RFPL3: variants seen among roughly 807,000 people sequenced by gnomAD.
RFPL3 encodes ret finger protein like 3.
Under a neutral mutation model 8.7 loss-of-function variants are expected in RFPL3, and 8 were observed. That is an observed-to-expected ratio of 0.92 (90% CI 0.54 to 1.66). The LOEUF (loss-of-function observed/expected upper bound fraction) is 1.66. Ranked by LOEUF, RFPL3 falls within the 40% of genes most tolerant of loss-of-function variation. The probability of loss-of-function intolerance (pLI) is 0.00; values close to 1 mark genes in which losing one functional copy is unlikely to be tolerated. For missense variants in RFPL3, 341 were observed against 395.0 expected (o/e 0.86, Z 1.16); for synonymous variants, 145 against 150.5 (o/e 0.96, Z 0.27).
upstream of RFPL3, chr22:32,357,757 G>A (rs1039497456): frequency 2.4e-6 from 2 of 836,162 alleles, no homozygotes; most frequent in South Asian, 2.8e-5. Context: ...ATGAGCCATC[G>A]TGCCCAGCCT....
At chr22:32,355,048 G>A (rs72620408), upstream of RFPL3, among the ~76,000 whole-genome samples, 10,424 of 151,710 alleles carry the variant, frequency 0.069, 782 homozygotes, top group East Asian at 0.45. Flanking sequence ...GCTGACGCAG[G>A]AGAGCTTGGA....
rs755326793 is a variant in RFPL3 at position 32,360,837 on chromosome 22, C to A, written c.*5C>A. The A allele has an allele frequency of 1.1e-5, 17 of 1,500,450 alleles. No homozygotes were observed. In the South Asian group the frequency reaches 2.3e-4, roughly 20 times the overall value. 92.9% of individuals were successfully genotyped at this position (1,500,450 alleles called of 1,614,324 possible). A position where few individuals can be genotyped will look rare whatever the true frequency, so the allele number is the denominator to read the frequency against. On this transcript the variant is annotated 3_prime_UTR_variant, in exon 2 of 2. Transcript: ENST00000249007. ...CGTCCTGGGGAGGCCAAATAAGCCG[C>A]CACTGCAAAAAAAAACAGGGTCAGA...
In RFPL3 at chr22:32,360,649, C is replaced by T; in HGVS notation, c.771C>T (p.Ser257=). ...IFLDMGMQNV[S]FFDAESGSHV... ...TGGATATGGGCATGCAGAACGTTTC[C>T]TTTTTTGATGCTGAAAGTGGTTCCC... Residue 257 remains serine, a synonymous_variant, in exon 2 of 2, where the codon TCC becomes TCT. Coordinates refer to ENST00000249007, the MANE Select transcript of RFPL3 (RefSeq NM_001098535.1). 6.2e-7 allele frequency: 1 copy of T among 1,613,304 alleles called. No homozygotes were observed. Among genetic ancestry groups the T allele is most frequent in the Non-Finnish European group, 8.5e-7 (1 of 1,179,552 alleles).
intron 1 of RFPL3, among the ~76,000 whole-genome samples, chr22:32,359,402 G>A (rs887547903): frequency 6.6e-6 from 1 of 151,078 alleles, no homozygotes; most frequent in Non-Finnish European, 1.5e-5. Context: ...TGACTTGAAG[G>A]ATAATATATT....
intron 1 of RFPL3, among the ~76,000 whole-genome samples, chr22:32,359,099 A>C (rs1224119328): frequency 6.6e-6 from 1 of 152,208 alleles, no homozygotes; most frequent in Non-Finnish European, 1.5e-5. Flanking sequence ...CAGCCTGGGC[A>C]AAGAATTACA....
Position 32,357,969 on chromosome 22 carries a change from A to C in RFPL3, c.-103A>C. ...TGATGATTCGTGACTTTCCCAATAG[A>C]ACTTCAAATCTCTGAGGACGGGGGG... On this transcript the variant is annotated 5_prime_UTR_variant, in exon 1 of 2. Coordinates refer to ENST00000249007, the MANE Select transcript of RFPL3 (RefSeq NM_001098535.1). 2 of 1,545,274 alleles carry C rather than the reference A, an allele frequency of 1.3e-6. No homozygotes were observed. Among genetic ancestry groups the C allele is most frequent in the Non-Finnish European group, 1.7e-6 (2 of 1,146,914 alleles).
intron 1 of RFPL3, among the ~76,000 whole-genome samples, chr22:32,359,568 A>T (rs1184930772): frequency 6.6e-6 from 1 of 152,134 alleles, no homozygotes; most frequent in Non-Finnish European, 1.5e-5. Flanking sequence ...TATTCTCTAC[A>T]ATCAGTCAGT....
At chr22:32,355,636 C>G (rs1046450386), upstream of RFPL3, among the ~76,000 whole-genome samples, 1 of 151,900 alleles carries the variant, frequency 6.6e-6, no homozygotes, top group Admixed American at 6.5e-5. Context: ...ATATTGAGGC[C>G]TTGGTTAAGA....
upstream of RFPL3, among the ~76,000 whole-genome samples, chr22:32,355,181 A>T (rs918062743): frequency 6.6e-6 from 1 of 151,954 alleles, no homozygotes; most frequent in African/African-American, 2.4e-5. Flanking sequence ...GGACTTTGTT[A>T]TCATGTTCTG....
At chr22:32,356,762 G>A (rs1011984256), upstream of RFPL3, 73 of 383,632 alleles carry the variant, frequency 1.9e-4, no homozygotes, top group African/African-American at 1.1e-4. Flanking sequence ...ACCTCCACTG[G>A]TCGGGTGTCA....
At position 32,358,415 on chromosome 22, in the gene RFPL3, A is replaced by G. The variant is rs1250865673; in HGVS notation, c.344A>G (p.Gln115Arg). 6.2e-7 allele frequency: 1 copy of G among 1,614,018 alleles called. No homozygotes were observed. Among genetic ancestry groups the G allele is most frequent in the Non-Finnish European group, 8.5e-7 (1 of 1,180,010 alleles). ...ELEPKLKKIL[Q>R]MNPRMRKFQV... ...GAGCCCAAGCTGAAGAAGATTCTACAGATGAACCCAAGGATGCGGAAGTTC... is the reference window on the plus strand; with the variant it reads ...GAGCCCAAGCTGAAGAAGATTCTACGGATGAACCCAAGGATGCGGAAGTTC... Residue 115 changes from glutamine (Q) to arginine (R), a missense_variant, in exon 1 of 2, where the codon CAG becomes CGG. Gln to Arg is a conservative substitution (Grantham distance 43). Coordinates refer to ENST00000249007, the MANE Select transcript of RFPL3 (RefSeq NM_001098535.1).
At position 32,360,149 on chromosome 22, in the gene RFPL3, T is replaced by G. The variant is rs1932763507; in HGVS notation, c.374-103T>G. 3.5e-6 allele frequency: 5 copies of G among 1,426,642 alleles called. No homozygotes were observed. In the Admixed American group the frequency reaches 9.6e-5, roughly 27 times the overall value. The allele number at this position is 1,426,642 out of a possible 1,614,324, so 88.4% of individuals were successfully genotyped here. A position where few individuals can be genotyped will look rare whatever the true frequency, so the allele number is the denominator to read the frequency against. ...TTTGATTTTGGAGGAAGAAACAGAA[T>G]TAAAGAAACTAAAGTCAGGAGATAT... is the stretch of plus-strand genomic sequence containing the variant. On this transcript the variant is annotated intron_variant, in intron 1 of 1. Coordinates refer to ENST00000249007, the MANE Select transcript of RFPL3 (RefSeq NM_001098535.1).
Position 32,357,993 on chromosome 22 carries a change from G to T in RFPL3, c.-79G>T, listed in dbSNP as rs1932723430. 7.7e-6 allele frequency: 12 copies of T among 1,562,826 alleles called. No individual in the cohort carries two copies. Among genetic ancestry groups the T allele is most frequent in the Non-Finnish European group, 1.0e-5 (12 of 1,154,716 alleles). ...GAACTTCAAATCTCTGAGGACGGGG[G>T]GTGGGGGGATGTGCTTGAGTGTTTG... is the stretch of plus-strand genomic sequence containing the variant. On this transcript the variant is annotated 5_prime_UTR_variant, in exon 1 of 2. Transcript: ENST00000249007.
In RFPL3 at chr22:32,360,776, C is replaced by T. The variant is rs1932777876; in HGVS notation, c.898C>T (p.Pro300Ser). Residue 300 changes from proline (P) to serine (S), a missense_variant, in exon 2 of 2, where the codon CCT (proline) becomes TCT (serine). Physicochemically the swap from Pro to Ser is moderately conservative, Grantham distance 74. Transcript: ENST00000249007. Reference protein sequence around the residue: ...NGDQGVLSICPLMNSGTTDAP... With the variant: ...NGDQGVLSICSLMNSGTTDAP... ...TGATCAAGGTGTCTTGAGCATCTGTCCTTTGATGAACTCAGGCACTACTGA... is the reference window on the plus strand; with the variant it reads ...TGATCAAGGTGTCTTGAGCATCTGTTCTTTGATGAACTCAGGCACTACTGA... 6.2e-7 allele frequency: 1 copy of T among 1,604,244 alleles called. No homozygotes were observed. The highest frequency in any genetic ancestry group is 8.5e-7 in the Non-Finnish European group (1 of 1,175,164).
intron 1 of RFPL3, 192 bp from the exon 2 acceptor site, chr22:32,360,060 G>C: frequency 1.5e-6 from 1 of 672,396 alleles, no homozygotes; most frequent in East Asian, 2.8e-5. Flanking sequence ...GTGAATAAGA[G>C]TCACGTATTG....
upstream of RFPL3, among the ~76,000 whole-genome samples, chr22:32,356,218 T>G (rs984789930): frequency 6.6e-6 from 1 of 151,520 alleles, no homozygotes; most frequent in Admixed American, 6.6e-5. Context: ...TGTGGGTGGG[T>G]AGAGGGTCTT....
Position 32,360,371 on chromosome 22 carries a change from G to C in RFPL3, c.493G>C (p.Val165Leu). Residue 165 changes from valine (V) to leucine (L), a missense_variant, in exon 2 of 2, where the codon GTG (valine) becomes CTG (leucine). By Grantham distance (32) the Val-to-Leu change is conservative. Coordinates refer to ENST00000249007, the MANE Select transcript of RFPL3 (RefSeq NM_001098535.1). ...NRQDLAERFD[V>L]SVCILGSPRF... ...GCAAGACCTTGCCGAGAGATTTGAC[G>C]TGTCCGTTTGCATCCTGGGCTCCCC... 1.2e-6 allele frequency: 2 copies of C among 1,613,954 alleles called. No homozygotes were observed. The highest frequency in any genetic ancestry group is 1.7e-6 in the Non-Finnish European group (2 of 1,179,874).
Position 32,360,548 on chromosome 22 carries a change from A to G in RFPL3, c.670A>G (p.Ser224Gly), listed in dbSNP as rs61729167. The change falls in exon 2 of 2, where the codon AGC (serine) becomes GGC (glycine). Residue 224 changes from serine to glycine, a missense_variant. By Grantham distance (56) the Ser-to-Gly change is moderately conservative. Transcript: ENST00000249007. ...CTGGACTGTGAGTTTGAGGGATGGAAGCCGCCTCTCTGCCAGCACGGTGCC... is the reference window on the plus strand; with the variant it reads ...CTGGACTGTGAGTTTGAGGGATGGAGGCCGCCTCTCTGCCAGCACGGTGCC... ...GFWTVSLRDG[S>G]RLSASTVPLT... 3.1e-4 allele frequency: 505 copies of G among 1,613,790 alleles called. No individual in the cohort carries two copies. Among genetic ancestry groups the G allele is most frequent in the East Asian group, 6.9e-4 (31 of 44,876 alleles).
Position 32,360,663 on chromosome 22 carries a change from A to G in RFPL3, c.785A>G (p.Glu262Gly), listed in dbSNP as rs1328503538. ...GMQNVSFFDA[E>G]SGSHVYTFRS... ...CAGAACGTTTCCTTTTTTGATGCTGAAAGTGGTTCCCATGTCTATACATTC... is the reference window on the plus strand; with the variant it reads ...CAGAACGTTTCCTTTTTTGATGCTGGAAGTGGTTCCCATGTCTATACATTC... Residue 262 changes from glutamate to glycine, a missense_variant, in exon 2 of 2, where the codon GAA becomes GGA. Coordinates refer to ENST00000249007, the MANE Select transcript of RFPL3 (RefSeq NM_001098535.1). 6.2e-7 allele frequency: 1 copy of G among 1,613,512 alleles called. No individual in the cohort carries two copies. Among genetic ancestry groups the G allele is most frequent in the Non-Finnish European group, 8.5e-7 (1 of 1,179,740 alleles).
Sources: gnomAD v4.1 joint callset for allele counts (sites outside exome capture counted in the v4.1 genomes callset) on GRCh38, gnomAD v4.1.1 for gene constraint, MANE v1.5 for transcripts, NCBI Gene and HGNC (gene_info 2026-07-23, HGNC 2026-07-21) for gene names.